Variants in PPP1CB observed in about 807,000 individuals in gnomAD.
PPP1CB encodes serine/threonine-protein phosphatase PP1-beta catalytic subunit.
Under a neutral mutation model 43.7 loss-of-function variants are expected in PPP1CB, and 2 were observed. That is an observed-to-expected ratio of 0.05 (90% CI 0.02 to 0.14). PPP1CB has a LOEUF of 0.14. Ranked by LOEUF, PPP1CB falls within the 10% of genes least tolerant of loss-of-function variation. The pLI, the probability that PPP1CB is intolerant of heterozygous loss-of-function variation, is 1.00. For synonymous variants in PPP1CB, 136 were observed against 135.6 expected, an observed-to-expected ratio of 1.00 and a Z score of -0.02; for missense variants, 84 against 398.0, an observed-to-expected ratio of 0.21 and a Z score of 6.71.
intron 3 of PPP1CB, among the ~76,000 whole-genome samples, chr2:28,780,025 A>G (rs1311831019): frequency 6.6e-6 from 1 of 151,600 alleles, no homozygotes; most frequent in Non-Finnish European, 1.5e-5. Context: ...AGGCTGTATC[A>G]GGCTTCCAAT....
At chr2:28,780,092 T>C (rs1368545279) in intron 3 of PPP1CB, among the ~76,000 whole-genome samples, 3 of 109,986 alleles carry the variant, frequency 2.7e-5, no homozygotes, top group Admixed American at 8.7e-5. Flanking sequence ...TTCTTTTTTT[T>C]TTTTTTTTTT....
intron 6 of PPP1CB, among the ~76,000 whole-genome samples, chr2:28,793,371 A>G (rs1005540349): frequency 6.7e-6 from 1 of 149,122 alleles, no homozygotes; most frequent in Non-Finnish European, 1.5e-5. Flanking sequence ...CAAAGCAAGA[A>G]GTAAGCTCTT....
intron 6 of PPP1CB, among the ~76,000 whole-genome samples, chr2:28,789,840 C>G (rs1001490802): frequency 1.2e-4 from 19 of 152,060 alleles, no homozygotes; most frequent in Admixed American, 1.2e-3. Flanking sequence ...CTCAAGTGAT[C>G]TGCGCCTCAG....
chr2:28,767,582 T>C (rs1666806635), intron 1 of PPP1CB, among the ~76,000 whole-genome samples: 1 of 152,172 alleles, frequency 6.6e-6, no homozygotes, highest in African/African-American at 2.4e-5. Context: ...ATCTGTATAA[T>C]TTGTGATGCA....
rs554103682 is a variant in PPP1CB, at chr2:28,762,743, T to C, written c.52+10567T>C. Among the ~76,000 whole-genome samples, 5 of 152,368 alleles carry C rather than the reference T, an allele frequency of 3.3e-5. No homozygotes were observed. In the East Asian group the frequency reaches 9.6e-4, roughly 29 times the overall value. ...ACACATGACTTTATAATACGCGTTGTTCATTTGGATAATATTGATTCAGCT... is the reference window on the plus strand; with the variant it reads ...ACACATGACTTTATAATACGCGTTGCTCATTTGGATAATATTGATTCAGCT... On this transcript the variant is annotated intron_variant, in intron 1 of 7. Coordinates refer to ENST00000395366, the MANE Select transcript of PPP1CB (RefSeq NM_002709.3).
At chr2:28,763,395 T>C (rs1460967312) in intron 1 of PPP1CB, among the ~76,000 whole-genome samples, 3 of 152,132 alleles carry the variant, frequency 2.0e-5, no homozygotes, top group African/African-American at 4.8e-5. Flanking sequence ...ACTGAGACAC[T>C]TAACAGTTTT....
At chr2:28,781,085 C>G (rs1005787257) in intron 3 of PPP1CB, among the ~76,000 whole-genome samples, 1 of 152,018 alleles carries the variant, frequency 6.6e-6, no homozygotes, top group Non-Finnish European at 1.5e-5. Flanking sequence ...AAAAAATGAA[C>G]TAAGAGCCTA....
At chr2:28,799,112 G>A in intron 7 of PPP1CB, 87 bp from the exon 8 acceptor site, 1 of 906,696 alleles carries the variant, frequency 1.1e-6, no homozygotes, top group Non-Finnish European at 1.7e-6. Flanking sequence ...TGCAGTTTAT[G>A]CCATTTATTG....
intron 1 of PPP1CB, among the ~76,000 whole-genome samples, chr2:28,769,309 T>C (rs1666850097): frequency 6.6e-6 from 1 of 152,200 alleles, no homozygotes; most frequent in Non-Finnish European, 1.5e-5. Context: ...TGATCTTGGC[T>C]AACTGCAACC....
At chr2:28,755,070 C>T (rs962879313) in intron 1 of PPP1CB, among the ~76,000 whole-genome samples, 1 of 151,556 alleles carries the variant, frequency 6.6e-6, no homozygotes, top group Non-Finnish European at 1.5e-5. Flanking sequence ...TTTTTTGAGA[C>T]GGAGTTTTGC....
At chr2:28,777,644 T>C (rs1237644835) in intron 2 of PPP1CB, among the ~76,000 whole-genome samples, 5 of 152,138 alleles carry the variant, frequency 3.3e-5, no homozygotes, top group Non-Finnish European at 5.9e-5. Context: ...ATGTTTGTTT[T>C]TTGTTTGTTT....
intron 1 of PPP1CB, among the ~76,000 whole-genome samples, chr2:28,764,253 G>T (rs974169993): frequency 6.6e-6 from 1 of 151,858 alleles, no homozygotes; most frequent in Non-Finnish European, 1.5e-5. Context: ...GAGGTCAGGA[G>T]ATCGAGACCA....
chr2:28,767,641 A>G (rs1270907094), intron 1 of PPP1CB, among the ~76,000 whole-genome samples: 5 of 152,242 alleles, frequency 3.3e-5, no homozygotes, highest in African/African-American at 4.8e-5. Flanking sequence ...GTCCATCACA[A>G]CTGCTCAGCT....
intron 1 of PPP1CB, among the ~76,000 whole-genome samples, chr2:28,755,191 A>G (rs1666456465): frequency 6.6e-6 from 1 of 152,104 alleles, no homozygotes; most frequent in African/African-American, 2.4e-5. Flanking sequence ...CTGGGACTAC[A>G]GCATGCCACC....
At chr2:28,757,679 T>C (rs1666525588) in intron 1 of PPP1CB, among the ~76,000 whole-genome samples, 1 of 152,200 alleles carries the variant, frequency 6.6e-6, no homozygotes, top group South Asian at 2.1e-4. Context: ...CTGGATGAGA[T>C]ACTAGAGGAG....
intron 1 of PPP1CB, among the ~76,000 whole-genome samples, chr2:28,771,040 T>TCCCCCCCC (rs58673755): frequency 1.4e-4 from 10 of 69,994 alleles, no homozygotes; most frequent in Admixed American, 2.1e-4. Context: ...TATTCCCTGC[T>TCCCCCCCC]CCCCCCCCCC....
chr2:28,797,241 G>A (rs1226367424), intron 7 of PPP1CB, among the ~76,000 whole-genome samples: 1 of 151,906 alleles, frequency 6.6e-6, no homozygotes, highest in Non-Finnish European at 1.5e-5. Context: ...TTTTTTCCTT[G>A]TGCCTCTGCT....
At chr2:28,773,989 A>G (rs1336002497) in intron 1 of PPP1CB, among the ~76,000 whole-genome samples, 1 of 152,222 alleles carries the variant, frequency 6.6e-6, no homozygotes, top group Non-Finnish European at 1.5e-5. Context: ...GTTAAGGGAG[A>G]AATGTGCATC....
At chr2:28,758,319 G>C (rs988915687) in intron 1 of PPP1CB, among the ~76,000 whole-genome samples, 1 of 152,138 alleles carries the variant, frequency 6.6e-6, no homozygotes, top group Non-Finnish European at 1.5e-5. Flanking sequence ...AAGTAATACA[G>C]GTATGAAGGA....
Sources: gnomAD v4.1 joint callset for allele counts (sites outside exome capture counted in the v4.1 genomes callset) on GRCh38, gnomAD v4.1.1 for gene constraint, MANE v1.5 for transcripts, NCBI Gene and HGNC (gene_info 2026-07-23, HGNC 2026-07-21) for gene names.